PPM1L: variants seen among roughly 807,000 people sequenced by gnomAD.
The protein encoded by PPM1L is protein phosphatase, Mg2+/Mn2+ dependent 1L.
A neutral mutation model predicts 31.4 loss-of-function variants in PPM1L; 13 were observed. The observed-to-expected ratio is 0.41, with a 90% CI of 0.27 to 0.66. PPM1L has a LOEUF of 0.66. PPM1L is among the 30% of genes least tolerant of loss of function. The pLI is 0.29. For synonymous variants in PPM1L, 184 were observed against 175.4 expected (o/e 1.05, Z -0.39); for missense variants, 326 against 453.7 (o/e 0.72, Z 2.56).
chr3:160,921,154 A>C (rs984150793), intron 1 of PPM1L, among the ~76,000 whole-genome samples: 1 of 152,210 alleles, frequency 6.6e-6, no homozygotes, highest in African/African-American at 2.4e-5. Flanking sequence ...AAAGACAGCA[A>C]AAAATTAGTA....
At chr3:161,010,110 C>T (rs188327288) in intron 2 of PPM1L, among the ~76,000 whole-genome samples, 249 of 152,220 alleles carry the variant, frequency 1.6e-3, no homozygotes, top group African/African-American at 4.2e-3. Flanking sequence ...CCCATTAACT[C>T]GTCATTTACA....
chr3:160,862,660 A>ACG (rs1553814103), intron 1 of PPM1L, among the ~76,000 whole-genome samples: 26 of 112,354 alleles, frequency 2.3e-4, no homozygotes, highest in African/African-American at 5.1e-4. Flanking sequence ...TCCTAGGCAC[A>ACG]CGCACACACA....
chr3:160,978,425 A>G (rs1716677965), intron 2 of PPM1L, among the ~76,000 whole-genome samples: 1 of 152,250 alleles, frequency 6.6e-6, no homozygotes, highest in Non-Finnish European at 1.5e-5. Flanking sequence ...GCAAGAGAGT[A>G]TGAAATGGTG....
At chr3:160,791,426 AG>A (rs1712102079) in intron 1 of PPM1L, among the ~76,000 whole-genome samples, 1 of 152,136 alleles carries the variant, frequency 6.6e-6, no homozygotes, top group Non-Finnish European at 1.5e-5. Flanking sequence ...CAGCATAACT[AG>A]GTCTTAGTAA....
At chr3:160,783,753 GTC>G (rs1367818081) in intron 1 of PPM1L, among the ~76,000 whole-genome samples, 1 of 152,148 alleles carries the variant, frequency 6.6e-6, no homozygotes, top group Non-Finnish European at 1.5e-5. Flanking sequence ...GATGTTAAAT[GTC>G]TCTCTATTTC....
intron 1 of PPM1L, among the ~76,000 whole-genome samples, chr3:160,959,133 T>C (rs1292925820): frequency 6.6e-6 from 1 of 152,182 alleles, no homozygotes; most frequent in East Asian, 1.9e-4. Flanking sequence ...CAGAATGAAA[T>C]AATGGCATTT....
chr3:160,774,984 A>T (rs2108063125), intron 1 of PPM1L, among the ~76,000 whole-genome samples: 1 of 152,360 alleles, frequency 6.6e-6, no homozygotes, highest in East Asian at 1.9e-4. Context: ...GGGGATACCA[A>T]GCTGTCTGAT....
At chr3:160,903,447 T>C (rs1713631587) in intron 1 of PPM1L, among the ~76,000 whole-genome samples, 1 of 152,098 alleles carries the variant, frequency 6.6e-6, no homozygotes, top group African/African-American at 2.4e-5. Context: ...TTATGGAAAG[T>C]AATAACTTTT....
chr3:160,948,742 A>G (rs1715485977), intron 1 of PPM1L, among the ~76,000 whole-genome samples: 1 of 152,192 alleles, frequency 6.6e-6, no homozygotes, highest in Non-Finnish European at 1.5e-5. Context: ...GAGGGTTGAA[A>G]GGCCATGTAG....
chr3:161,054,025 G>A (rs550753224), intron 2 of PPM1L, among the ~76,000 whole-genome samples: 1 of 152,236 alleles, frequency 6.6e-6, no homozygotes, highest in South Asian at 2.1e-4. Context: ...GGGAAGCTGA[G>A]GCAGCTTCTA....
chr3:160,916,909 A>C (rs1714205447), intron 1 of PPM1L, among the ~76,000 whole-genome samples: 1 of 152,194 alleles, frequency 6.6e-6, no homozygotes, highest in Non-Finnish European at 1.5e-5. Context: ...ACAAAACATC[A>C]AACTCTTTTT....
chr3:160,992,546 C>G (rs1267892318), intron 2 of PPM1L, among the ~76,000 whole-genome samples: 1 of 152,136 alleles, frequency 6.6e-6, no homozygotes, highest in Non-Finnish European at 1.5e-5. Context: ...AGGGATATAC[C>G]TGATTAGGAA....
intron 1 of PPM1L, among the ~76,000 whole-genome samples, chr3:160,907,900 C>G (rs965859128): frequency 6.6e-6 from 1 of 152,150 alleles, no homozygotes; most frequent in African/African-American, 2.4e-5. Context: ...TCCTCTTACC[C>G]TCTGATCTCT....
At chr3:160,773,849 C>T (rs1373426028) in intron 1 of PPM1L, among the ~76,000 whole-genome samples, 1 of 152,088 alleles carries the variant, frequency 6.6e-6, no homozygotes, top group Admixed American at 6.5e-5. Context: ...CTTCCAGAGA[C>T]TCACCCCCTT....
intron 1 of PPM1L, among the ~76,000 whole-genome samples, chr3:160,806,521 G>T (rs1390297916): frequency 6.6e-6 from 1 of 152,172 alleles, no homozygotes; most frequent in Non-Finnish European, 1.5e-5. Context: ...CAGTAAGCTT[G>T]CAATACATAC....
At chr3:160,959,620 A>G (rs999485724) in intron 1 of PPM1L, among the ~76,000 whole-genome samples, 1 of 152,168 alleles carries the variant, frequency 6.6e-6, no homozygotes, top group Admixed American at 6.5e-5. Flanking sequence ...ACCTGAGGTC[A>G]GGAGTTCAAG....
At chr3:161,062,453 A>G (rs1719600734) in intron 2 of PPM1L, among the ~76,000 whole-genome samples, 1 of 152,066 alleles carries the variant, frequency 6.6e-6, no homozygotes, top group Admixed American at 6.6e-5. Flanking sequence ...AAAAAATAAG[A>G]ACCTATCACC....
At chr3:160,774,054 A>C (rs1711506888) in intron 1 of PPM1L, among the ~76,000 whole-genome samples, 1 of 152,152 alleles carries the variant, frequency 6.6e-6, no homozygotes, top group South Asian at 2.1e-4. Flanking sequence ...TTTATAGCCC[A>C]CATCTTTACA....
chr3:160,808,830 C>T (rs900256137), intron 1 of PPM1L, among the ~76,000 whole-genome samples: 1 of 152,194 alleles, frequency 6.6e-6, no homozygotes, highest in African/African-American at 2.4e-5. Context: ...TCCCTCCTCC[C>T]ATCTTTGTAG....
Sources: allele counts gnomAD v4.1 joint callset (sites outside exome capture counted in the v4.1 genomes callset), GRCh38; gene constraint gnomAD v4.1.1; transcripts MANE v1.5; gene names NCBI Gene and HGNC (gene_info 2026-07-23, HGNC 2026-07-21).